Variants in PDLIM5 observed in about 807,000 individuals in gnomAD.
PDLIM5 encodes PDZ and LIM domain 5, also known as PDZ and LIM domain protein 5.
Under a neutral mutation model 64.2 loss-of-function variants are expected in PDLIM5, and 34 were observed. The observed-to-expected ratio is 0.53, with a 90% confidence interval of 0.40 to 0.71. PDLIM5 has a LOEUF of 0.71. Ranked by LOEUF, PDLIM5 falls within the 30% of genes least tolerant of loss-of-function variation. The probability of loss-of-function intolerance (pLI) is 0.00; values close to 1 mark genes in which losing one functional copy is unlikely to be tolerated. For synonymous variants in PDLIM5, 253 were observed against 269.1 expected (o/e 0.94, Z 0.59); for missense variants, 683 against 733.6 (o/e 0.93, Z 0.80).
chr4:94,608,170 T>C, intron 7 of PDLIM5: 1 of 1,528,800 alleles, frequency 6.5e-7, no homozygotes, highest in Non-Finnish European at 8.8e-7. Flanking sequence ...TAGCAACTAC[T>C]TATTCTAGGT....
rs917536044 is a variant in PDLIM5, at chr4:94,644,119, ATAGT to A, written c.1283+3672_1283+3675del. ...ATCTATATAATGTAATTTTCAGATA[ATAGT>A]TAAAGTTAAATGTGTTTTTAGCATA... On this transcript the variant is annotated intron_variant, in intron 9 of 12. Transcript: ENST00000317968. 9.3e-4 allele frequency among the ~76,000 whole-genome samples: 141 copies of A among 152,060 alleles called. 1 individual carries two copies. The highest frequency in any genetic ancestry group is 3.1e-3 in the African/African-American group (127 of 41,570).
chr4:94,542,110 G>C (rs1731859561), intron 3 of PDLIM5, among the ~76,000 whole-genome samples: 1 of 152,072 alleles, frequency 6.6e-6, no homozygotes, highest in Non-Finnish European at 1.5e-5. Context: ...TCAGGAGTTT[G>C]AGACCAGCTT....
intron 8 of PDLIM5, among the ~76,000 whole-genome samples, chr4:94,636,283 G>A (rs1740552023): frequency 1.3e-5 from 2 of 152,078 alleles, no homozygotes; most frequent in African/African-American, 2.4e-5. Flanking sequence ...AAGGCATATG[G>A]TAGATGAAAG....
At chr4:94,497,986 T>C (rs901880642) in intron 2 of PDLIM5, among the ~76,000 whole-genome samples, 2 of 119,268 alleles carry the variant, frequency 1.7e-5, no homozygotes, top group Non-Finnish European at 3.9e-5. Flanking sequence ...AACTACACTG[T>C]TACAGTTGTT....
chr4:94,572,381 T>C lies in PDLIM5; in HGVS notation c.249-970T>C, dbSNP rs143770393. Among the ~76,000 whole-genome samples, 651 of 152,274 alleles carry C rather than the reference T, an allele frequency of 4.3e-3. 1 individual carries two copies. Among genetic ancestry groups the C allele is most frequent in the African/African-American group, 0.015 (605 of 41,554 alleles). ...TCCATGAATACAAACAGTATATTGT[T>C]ATATTTAACAGTGGTGGGCCTCAGC... On this transcript the variant is annotated intron_variant, in intron 3 of 12. Transcript: ENST00000317968.
rs1302599278 is a variant in PDLIM5, at chr4:94,471,949, C to CAAAGACCTTATAAGTATTTGTACTTAT, written c.96+16585_96+16611dup. The stretch of plus-strand genomic sequence containing the variant: ...AAGACCTTATAAGTATTTGTACTTA[C>CAAAGACCTTATAAGTATTTGTACTTAT]AAAGACCTTATAAGTATTTGTACTT... On this transcript the variant is annotated intron_variant, in intron 2 of 12. Transcript: ENST00000317968. 6.2e-4 allele frequency among the ~76,000 whole-genome samples: 94 copies of CAAAGACCTTATAAGTATTTGTACTTAT among 151,898 alleles called. 1 individual carries two copies. The highest frequency in any genetic ancestry group is 1.9e-3 in the African/African-American group (80 of 41,378).
At chr4:94,596,517 G>A (rs1737079593) in intron 7 of PDLIM5, among the ~76,000 whole-genome samples, 1 of 151,528 alleles carries the variant, frequency 6.6e-6, no homozygotes, top group East Asian at 1.9e-4. Context: ...CAGTATTGAA[G>A]AAGACTCCTG....
At chr4:94,647,024 C>T (rs1299592017) in intron 9 of PDLIM5, among the ~76,000 whole-genome samples, 5 of 152,152 alleles carry the variant, frequency 3.3e-5, no homozygotes, top group Non-Finnish European at 7.4e-5. Flanking sequence ...CTAAAATCTC[C>T]TTTCCCATCC....
rs1015332968 is a variant in PDLIM5 at position 94,505,160 on chromosome 4, A to G, written c.97-18564A>G. On this transcript the variant is annotated intron_variant, in intron 2 of 12. Transcript: ENST00000317968. Reference sequence around the variant, plus strand: ...AGTGGACACCAGCCGGGTGTACTGCAATTCAATTCTGACACTACCTACCTG... The same window carrying G: ...AGTGGACACCAGCCGGGTGTACTGCGATTCAATTCTGACACTACCTACCTG... 2.6e-5 allele frequency among the ~76,000 whole-genome samples: 4 copies of G among 152,312 alleles called. No individual in the cohort carries two copies. In the South Asian group the frequency reaches 6.2e-4, roughly 24 times the overall value.
At chr4:94,649,165 G>A (rs983894176) in intron 9 of PDLIM5, among the ~76,000 whole-genome samples, 1 of 151,796 alleles carries the variant, frequency 6.6e-6, no homozygotes. Context: ...TAGTAAAGAC[G>A]AGGTTTTATC....
rs142677675 is a variant in PDLIM5 at position 94,658,372 on chromosome 4, A to G, written c.1585+825A>G. ...ACCTATCTACTGCATTTGTCTTATT[A>G]CACAAACTCAGAACGTTTCCTTTTC... On this transcript the variant is annotated intron_variant, in intron 11 of 12. Coordinates refer to ENST00000317968, the MANE Select transcript of PDLIM5 (RefSeq NM_006457.5). Among the ~76,000 whole-genome samples, 13 of 152,368 alleles carry G rather than the reference A, an allele frequency of 8.5e-5. No homozygotes were observed. In the East Asian group the frequency reaches 2.3e-3, roughly 27 times the overall value.
intron 9 of PDLIM5, among the ~76,000 whole-genome samples, chr4:94,643,066 AT>A (rs1166091177): frequency 2.0e-5 from 3 of 151,930 alleles, no homozygotes; most frequent in Admixed American, 6.6e-5. Context: ...TATTTTATTT[AT>A]TTTTTTTTTT....
At position 94,586,489 on chromosome 4, in the gene PDLIM5, A is replaced by C. The variant is rs769739860; in HGVS notation, c.920+45A>C. The C allele has an allele frequency of 6.1e-6, 7 of 1,143,786 alleles. No individual in the cohort carries two copies. The African/African-American group carries it at 9.3e-5, about 15-fold the overall frequency. 70.9% of individuals were successfully genotyped at this position (1,143,786 alleles called of 1,614,324 possible). ...GACAATTGAATGTTTTCCTTTCACG[A>C]ATGGTCTCAATTTAGTTTTTCAAAT... On this transcript the variant is annotated intron_variant, in intron 7 of 12. Transcript: ENST00000317968.
intron 5 of PDLIM5, chr4:94,582,713 T>C (rs1735833406): frequency 6.3e-7 from 1 of 1,575,700 alleles, no homozygotes; most frequent in African/African-American, 1.3e-5. Context: ...TATTCTTCCC[T>C]CAGTAACCCT....
At chr4:94,511,312 TA>T (rs1175099620) in intron 2 of PDLIM5, among the ~76,000 whole-genome samples, 1 of 152,206 alleles carries the variant, frequency 6.6e-6, no homozygotes, top group African/African-American at 2.4e-5. Context: ...ACCTTTTTAT[TA>T]TTTTTTTTTA....
chr4:94,464,665 C>G (rs1437977060), intron 2 of PDLIM5, among the ~76,000 whole-genome samples: 1 of 152,176 alleles, frequency 6.6e-6, no homozygotes, highest in Admixed American at 6.5e-5. Context: ...CATATAATTT[C>G]CATGATTTTG....
chr4:94,585,153 C>T (rs986951072), intron 5 of PDLIM5: 12 of 534,548 alleles, frequency 2.2e-5, no homozygotes, highest in Admixed American at 3.7e-5. Context: ...TGCAGTGGTG[C>T]GATCTTGGCT....
intron 2 of PDLIM5, among the ~76,000 whole-genome samples, chr4:94,485,800 A>G (rs1726265903): frequency 1.3e-5 from 2 of 149,520 alleles, no homozygotes; most frequent in South Asian, 2.1e-4. Flanking sequence ...CAGCGAGCCA[A>G]TATTGCGCCA....
chr4:94,497,791 A>G (rs1314753380), intron 2 of PDLIM5, among the ~76,000 whole-genome samples: 2 of 152,198 alleles, frequency 1.3e-5, no homozygotes, highest in Admixed American at 6.5e-5. Flanking sequence ...CTGTAGTTCA[A>G]ATCTTAGGAG....
Sources: allele counts gnomAD v4.1 joint callset (sites outside exome capture counted in the v4.1 genomes callset), GRCh38; gene constraint gnomAD v4.1.1; transcripts MANE v1.5; gene names NCBI Gene and HGNC (gene_info 2026-07-23, HGNC 2026-07-21).